The following VARS2 variants were observed in gnomAD, a reference collection of about 807,000 sequenced individuals.
The protein encoded by VARS2 is valyl-tRNA synthetase 2, mitochondrial.
VARS2 carries 105 observed loss-of-function variants against 154.1 expected under a neutral mutation model. That is an observed-to-expected ratio of 0.68 (90% CI 0.58 to 0.80). The LOEUF is 0.80. Among genes scored for constraint, VARS2 ranks in the 30% least tolerant of loss-of-function variants. The pLI is 0.00. For missense variants in VARS2, 1,157 were observed against 1,361.4 expected (o/e 0.85, Z 2.36); for synonymous variants, 483 against 539.5 (o/e 0.90, Z 1.45).
Position 30,917,903 on chromosome 6 carries a change from C to T in VARS2, c.985+97C>T, listed in dbSNP as rs939814609. 7.9e-7 allele frequency: 1 copy of T among 1,264,766 alleles called. No homozygotes were observed. Among genetic ancestry groups the T allele is most frequent in the African/African-American group, 1.5e-5 (1 of 66,662 alleles). 78.3% of individuals were successfully genotyped at this position (1,264,766 alleles called of 1,614,324 possible). On this transcript the variant is annotated intron_variant, in intron 10 of 29. Coordinates refer to ENST00000676266, the MANE Select transcript of VARS2 (RefSeq NM_020442.6). This position sits in a 1 kb window ranked among gnomAD's most constrained non-coding sequence, Gnocchi z 4.4. ...GCTAGGAACCCATCAGTCCATCTCT[C>T]ACATGTACCTTGGTAGTGTTCACCT...
Position 30,925,929 on chromosome 6 carries a change from A to G in VARS2, c.3011A>G (p.Tyr1004Cys). 6.2e-7 allele frequency: 1 copy of G among 1,613,068 alleles called. No homozygotes were observed. Among genetic ancestry groups the G allele is most frequent in the African/African-American group, 1.3e-5 (1 of 75,048 alleles). The change falls in exon 29 of 30, where the codon TAC becomes TGC. Residue 1004 changes from tyrosine to cysteine, a missense_variant. Transcript: ENST00000676266. ...IQLPLLAARR[Y>C]KLQKQLDSLT... ...CTACCTCTGTTAGCCGCCCGAAGGT[A>G]CAAGTTGCAGAAGCAGCTTGACAGC...
Position 30,922,989 on chromosome 6 carries a change from G to A in VARS2, c.2185+13G>A, listed in dbSNP as rs749772899. On this transcript the variant is annotated intron_variant, in intron 23 of 29. Coordinates refer to ENST00000676266, the MANE Select transcript of VARS2 (RefSeq NM_020442.6). ...CATGGAGTTCAGGGTAAGCCTGGGC[G>A]AGGGGTGTCGGGGTGAGCAGAGGGC... 8 of 1,606,838 alleles carry A rather than the reference G, an allele frequency of 5.0e-6. No individual in the cohort carries two copies. Among genetic ancestry groups the A allele is most frequent in the African/African-American group, 1.3e-5 (1 of 75,006 alleles).
At chr6:30,922,847 GC>G (rs763498684) in intron 22 of VARS2, 50 bp from the exon 23 acceptor site, 34 of 1,580,686 alleles carry the variant, frequency 2.2e-5, no homozygotes, top group Non-Finnish European at 2.9e-5. Context: ...CCAGGTCCTG[GC>G]CCTGCAGCCA....
chr6:30,915,272 C>T (rs913951600), intron 3 of VARS2, 35 bp downstream of exon 3: 1 of 1,612,454 alleles, frequency 6.2e-7, no homozygotes, highest in Non-Finnish European at 8.5e-7. Flanking sequence ...TTTTCTTTCA[C>T]ATATGTGTTG....
At position 30,916,811 on chromosome 6, in the gene VARS2, A is replaced by G; in HGVS notation, c.672-67A>G. 1.3e-6 allele frequency: 2 copies of G among 1,527,634 alleles called. No individual in the cohort carries two copies. Among genetic ancestry groups the G allele is most frequent in the Non-Finnish European group, 1.8e-6 (2 of 1,101,598 alleles). 94.6% of individuals were successfully genotyped at this position (1,527,634 alleles called of 1,614,324 possible). On this transcript the variant is annotated intron_variant, in intron 7 of 29. Transcript: ENST00000676266. The surrounding 1 kb of genome is among the most constrained non-coding windows in gnomAD (Gnocchi z 4.0). ...TCCAACACCTGGCATTGCTGGGGGC[A>G]TCGCTGGGCCTGGTACATAGGAAGT...
chr6:30,921,333 C>G lies in VARS2; in HGVS notation c.1632+28C>G, dbSNP rs375723538. On this transcript the variant is annotated intron_variant, in intron 17 of 29. Coordinates refer to ENST00000676266, the MANE Select transcript of VARS2 (RefSeq NM_020442.6). The surrounding 1 kb of genome is among the most constrained non-coding windows in gnomAD (Gnocchi z 4.6). ...GGGTAGGAAGAAGCACCCGGAGGGC[C>G]GAGTGTGGCACAGAGCACCTAGCCC... 3 of 1,613,570 alleles carry G rather than the reference C, an allele frequency of 1.9e-6. No homozygotes were observed. The highest frequency in any genetic ancestry group is 1.7e-5 in the Admixed American group (1 of 59,988).
chr6:30,924,428 C>G lies in VARS2; in HGVS notation c.2541C>G (p.Asp847Glu), dbSNP rs1794717886. The change falls in exon 26 of 30, where the codon GAC becomes GAG. Residue 847 changes from aspartate to glutamate, a missense_variant. Coordinates refer to ENST00000676266, the MANE Select transcript of VARS2 (RefSeq NM_020442.6). Reference sequence around the variant, plus strand: ...CTCAGGTCCTGTTCTCCTGCGCTGACCTCGGCCTCCGCCTCCTGGCCCCAC... The same window carrying G: ...CTCAGGTCCTGTTCTCCTGCGCTGAGCTCGGCCTCCGCCTCCTGGCCCCAC... ...GPPQVLFSCA[D>E]LGLRLLAPLM... is the part of the protein sequence containing the mutation. The G allele has an allele frequency of 6.2e-7, 1 of 1,612,762 alleles. No individual in the cohort carries two copies. Among genetic ancestry groups the G allele is most frequent in the Non-Finnish European group, 8.5e-7 (1 of 1,179,968 alleles).
chr6:30,921,088 G>C lies in VARS2; in HGVS notation c.1503G>C (p.Glu501Asp). 6.2e-7 allele frequency: 1 copy of C among 1,613,694 alleles called. No individual in the cohort carries two copies. The highest frequency in any genetic ancestry group is 8.5e-7 in the Non-Finnish European group (1 of 1,179,798). Residue 501 changes from glutamate to aspartate, a missense_variant, in exon 16 of 30, where the codon GAG becomes GAC. Transcript: ENST00000676266. The surrounding 1 kb of genome is among the most constrained non-coding windows in gnomAD (Gnocchi z 4.6). Reference sequence around the variant, plus strand: ...AGGCTGTGGAGTCGGGGGCCCTGGAGCTCAGTCCCTCCTTCCACCAGAAGA... The same window carrying C: ...AGGCTGTGGAGTCGGGGGCCCTGGACCTCAGTCCCTCCTTCCACCAGAAGA... ...AAKAVESGALELSPSFHQKNW... is the reference protein window; with the variant it reads ...AAKAVESGALDLSPSFHQKNW...
chr6:30,923,269 A>G (rs1393721779), intron 24 of VARS2, 38 bp downstream of exon 24: 10 of 1,611,080 alleles, frequency 6.2e-6, no homozygotes, highest in East Asian at 2.2e-5. Flanking sequence ...TAGGGTAGTC[A>G]GGTGTCAGAG....
rs745344704 is a variant in VARS2, at chr6:30,914,788, G to GCTCT, written c.-27-15_-27-12dup. The GCTCT allele has an allele frequency of 6.9e-6, 11 of 1,601,600 alleles. No individual in the cohort carries two copies. The Middle Eastern group carries it at 9.9e-4, about 144-fold the overall frequency. Reference sequence around the variant, plus strand: ...CTTCTCCACCCCCATATCCTAATGTGCTCTCTCTCTATCCAGAACAGATCT... The same window carrying GCTCT: ...CTTCTCCACCCCCATATCCTAATGTGCTCTCTCTCTCTCTATCCAGAACAGATCT... On this transcript the variant is annotated intron_variant, in intron 1 of 29. Coordinates refer to ENST00000676266, the MANE Select transcript of VARS2 (RefSeq NM_020442.6).
At position 30,919,904 on chromosome 6, in the gene VARS2, G is replaced by A; in HGVS notation, c.1165+56G>A. The A allele has an allele frequency of 6.7e-7, 1 of 1,501,188 alleles. No homozygotes were observed. Among genetic ancestry groups the A allele is most frequent in the Non-Finnish European group, 8.9e-7 (1 of 1,117,988 alleles). 93.0% of individuals were successfully genotyped at this position (1,501,188 alleles called of 1,614,324 possible). On this transcript the variant is annotated intron_variant, in intron 12 of 29. Transcript: ENST00000676266. This position sits in a 1 kb window ranked among gnomAD's most constrained non-coding sequence, Gnocchi z 4.5. ...TTGGGGGTCCTGGAGGAGAGGGGAG[G>A]GAACCAGGAGGAAGAGGAAGGTGGG...
chr6:30,920,094 G>A lies in VARS2; in HGVS notation c.1171G>A (p.Val391Met), dbSNP rs775155900. 1 of 1,543,628 alleles carries A rather than the reference G, an allele frequency of 6.5e-7. No homozygotes were observed. The highest frequency in any genetic ancestry group is 1.4e-5 in the African/African-American group (1 of 72,830). Residue 391 changes from valine to methionine, a missense_variant, in exon 13 of 30, where the codon GTG becomes ATG. Val to Met is a conservative substitution (Grantham distance 21). Transcript: ENST00000676266. The surrounding 1 kb of genome is among the most constrained non-coding windows in gnomAD (Gnocchi z 4.6). The stretch of plus-strand genomic sequence containing the variant: ...CCATGGCTGTGCTCCCCAAGGGGCA[G>A]TGAAGGTGACTCCAGCTCACAGTCC... The part of the protein sequence containing the change: ...AVQPHVGTGA[V>M]KVTPAHSPAD...
chr6:30,925,203 G>C, intron 26 of VARS2, 71 bp from the exon 27 acceptor site: 2 of 1,184,330 alleles, frequency 1.7e-6, no homozygotes. Flanking sequence ...GGGTCGAGAA[G>C]AGAGCCAGCA....
chr6:30,924,165 G>T, intron 25 of VARS2, 189 bp from the exon 26 acceptor site: 1 of 612,426 alleles, frequency 1.6e-6, no homozygotes, highest in East Asian at 2.8e-5. Context: ...GCAGAGAATT[G>T]CTGTCCTGGA....
Position 30,925,885 on chromosome 6 carries a change from G to A in VARS2, c.2967G>A (p.Leu989=), listed in dbSNP as rs914680300. Residue 989 remains leucine (L), a synonymous_variant, in exon 29 of 30, where the codon CTG becomes CTA. Transcript: ENST00000676266. ...TTCTCCCTGTTCTTCCCCAGGGCCT[G>A]GTGGACCCGCAGATCCAGCTACCTC... The part of the protein sequence containing the change: ...TAQVYMELQG[L]VDPQIQLPLL... The A allele has an allele frequency of 3.7e-6, 6 of 1,612,806 alleles. No homozygotes were observed. Among genetic ancestry groups the A allele is most frequent in the Non-Finnish European group, 4.2e-6 (5 of 1,180,012 alleles).
chr6:30,920,455 C>G lies in VARS2; in HGVS notation c.1397+19C>G. On this transcript the variant is annotated intron_variant, in intron 14 of 29. Coordinates refer to ENST00000676266, the MANE Select transcript of VARS2 (RefSeq NM_020442.6). The surrounding 1 kb of genome is among the most constrained non-coding windows in gnomAD (Gnocchi z 4.6). The stretch of plus-strand genomic sequence containing the variant: ...TCTGCAGGTAACCTCATTTTAACTC[C>G]TTTACTAAGGGCTACCCCAAAAGGG... The G allele has an allele frequency of 1.3e-6, 2 of 1,590,776 alleles. No homozygotes were observed. The highest frequency in any genetic ancestry group is 1.7e-6 in the Non-Finnish European group (2 of 1,170,214).
chr6:30,923,721 G>A, intron 25 of VARS2: 1 of 625,708 alleles, frequency 1.6e-6, no homozygotes, highest in Non-Finnish European at 2.7e-6. Context: ...GGGAGAGGAG[G>A]AGGAGGGAGA....
Position 30,914,267 on chromosome 6 carries a change from A to G in VARS2, c.-105A>G, listed in dbSNP as rs1292073412. On this transcript the variant is annotated 5_prime_UTR_variant, in exon 1 of 30. Transcript: ENST00000676266. ...CCATGCGCCGCGCGGCTCCAGGGCC[A>G]CGTTCCAGGGTCGGGTTTGGTGGAT... The G allele has an allele frequency of 4.7e-6, 4 of 851,772 alleles. No homozygotes were observed. The highest frequency in any genetic ancestry group is 5.4e-5 in the South Asian group (1 of 18,688). 52.8% of individuals were successfully genotyped at this position (851,772 alleles called of 1,614,324 possible).
Position 30,921,085 on chromosome 6 carries a change from G to T in VARS2, c.1500G>T (p.Leu500=), listed in dbSNP as rs927236815. ...TCCAGGCTGTGGAGTCGGGGGCCCT[G>T]GAGCTCAGTCCCTCCTTCCACCAGA... The part of the protein sequence containing the change: ...RAAKAVESGA[L]ELSPSFHQKN... The change falls in exon 16 of 30, where the codon CTG becomes CTT. Residue 500 remains leucine (L), a synonymous_variant. Coordinates refer to ENST00000676266, the MANE Select transcript of VARS2 (RefSeq NM_020442.6). This position sits in a 1 kb window ranked among gnomAD's most constrained non-coding sequence, Gnocchi z 4.6. 2.5e-6 allele frequency: 4 copies of T among 1,613,534 alleles called. No homozygotes were observed. The highest frequency in any genetic ancestry group is 3.4e-6 in the Non-Finnish European group (4 of 1,179,768).
Sources: gnomAD v4.1 joint callset for allele counts on GRCh38, gnomAD v4.1.1 for gene constraint, Gnocchi (gnomAD v3.1) non-coding constraint, MANE v1.5 for transcripts, NCBI Gene and HGNC (gene_info 2026-07-23, HGNC 2026-07-21) for gene names.